The following CHCHD6 variants were observed in gnomAD, a reference collection of about 807,000 sequenced individuals.
CHCHD6 encodes the protein MICOS complex subunit MIC25.
A neutral mutation model predicts 32.3 loss-of-function variants in CHCHD6; 28 were observed. The ratio of observed to expected loss-of-function variants is 0.87; its 90% confidence interval spans 0.64 to 1.19. CHCHD6 has a LOEUF of 1.19. CHCHD6 is among the 50% of genes most tolerant of loss of function. The pLI is 0.00. For synonymous variants in CHCHD6, 122 were observed against 117.5 expected, an observed-to-expected ratio of 1.04 and a Z score of -0.25; for missense variants, 333 against 307.0, an observed-to-expected ratio of 1.08 and a Z score of -0.63.
chr3:126,755,675 A>G (rs1428872919), intron 4 of CHCHD6, among the ~76,000 whole-genome samples: 1 of 152,258 alleles, frequency 6.6e-6, no homozygotes, highest in Non-Finnish European at 1.5e-5. Context: ...GTCTAAAAAA[A>G]GATACCAGTA....
intron 2 of CHCHD6, among the ~76,000 whole-genome samples, chr3:126,729,817 A>G (rs1333895434): frequency 6.6e-6 from 1 of 152,036 alleles, no homozygotes; most frequent in Admixed American, 6.5e-5. Flanking sequence ...GGTGCATAGA[A>G]CCCTGTGGTG....
At chr3:126,779,581 T>C (rs1937829353) in intron 4 of CHCHD6, among the ~76,000 whole-genome samples, 1 of 150,822 alleles carries the variant, frequency 6.6e-6, no homozygotes, top group Admixed American at 6.6e-5. Context: ...TTAGCTCTTA[T>C]ATTTAGGTCT....
chr3:126,908,289 A>G (rs1216183839), intron 5 of CHCHD6, among the ~76,000 whole-genome samples: 1 of 151,992 alleles, frequency 6.6e-6, no homozygotes, highest in Non-Finnish European at 1.5e-5. Context: ...ACTCCCTTCC[A>G]CCTATCTTGG....
At chr3:126,772,412 C>T (rs986676117) in intron 4 of CHCHD6, among the ~76,000 whole-genome samples, 1 of 152,134 alleles carries the variant, frequency 6.6e-6, no homozygotes, top group Non-Finnish European at 1.5e-5. Flanking sequence ...CCCTTATGAA[C>T]CTGGGTGCTC....
At chr3:126,824,990 A>G (rs2107538634) in intron 4 of CHCHD6, among the ~76,000 whole-genome samples, 1 of 152,238 alleles carries the variant, frequency 6.6e-6, no homozygotes, top group South Asian at 2.1e-4. Flanking sequence ...TTCTTTTTCT[A>G]ACTTCTCAAG....
chr3:126,748,258 ATCTT>A (rs1431833593), intron 4 of CHCHD6, among the ~76,000 whole-genome samples: 3 of 152,154 alleles, frequency 2.0e-5, no homozygotes. Context: ...GGTAGTCATA[ATCTT>A]TCTTCTCAAA....
chr3:126,871,060 A>G (rs2077463077), intron 5 of CHCHD6, among the ~76,000 whole-genome samples: 1 of 152,080 alleles, frequency 6.6e-6, no homozygotes, highest in Admixed American at 6.5e-5. Context: ...GTGTGACTGG[A>G]TGTTCTCTCA....
intron 6 of CHCHD6, among the ~76,000 whole-genome samples, chr3:126,948,787 T>C (rs1312745770): frequency 6.6e-6 from 1 of 152,244 alleles, no homozygotes; most frequent in Non-Finnish European, 1.5e-5. Flanking sequence ...CTAAAAATAG[T>C]ACCTGGCTTC....
At chr3:126,936,348 G>T (rs1434079855) in intron 6 of CHCHD6, among the ~76,000 whole-genome samples, 1 of 152,190 alleles carries the variant, frequency 6.6e-6, no homozygotes, top group Non-Finnish European at 1.5e-5. Context: ...AGAAATGTTA[G>T]TCCTGGGCTG....
At chr3:126,956,256 C>T (rs1297565390) in intron 6 of CHCHD6, among the ~76,000 whole-genome samples, 1 of 151,494 alleles carries the variant, frequency 6.6e-6, no homozygotes, top group Non-Finnish European at 1.5e-5. Context: ...TTTTTGGTGC[C>T]CTCAGCCGTG....
intron 4 of CHCHD6, among the ~76,000 whole-genome samples, chr3:126,747,930 T>C (rs1391372010): frequency 1.3e-5 from 2 of 152,186 alleles, no homozygotes; most frequent in African/African-American, 4.8e-5. Context: ...CGTTACCCTC[T>C]CTGCTGCTGC....
At chr3:126,716,827 G>A (rs1935041794) in intron 1 of CHCHD6, among the ~76,000 whole-genome samples, 2 of 152,068 alleles carry the variant, frequency 1.3e-5, no homozygotes. Flanking sequence ...TTGATAGGGG[G>A]GCTGGTTCCA....
chr3:126,953,116 G>T, intron 6 of CHCHD6: 1 of 985,500 alleles, frequency 1.0e-6, no homozygotes. Context: ...TCTGTGGGGT[G>T]GGGTCCTCCC....
intron 5 of CHCHD6, among the ~76,000 whole-genome samples, chr3:126,858,507 C>T (rs778002894): frequency 3.3e-5 from 5 of 152,206 alleles, no homozygotes; most frequent in Non-Finnish European, 7.3e-5. Flanking sequence ...CAGGCACCCT[C>T]CTCGCTGGCC....
At chr3:126,891,132 G>A (rs753586966) in intron 5 of CHCHD6, among the ~76,000 whole-genome samples, 1 of 152,182 alleles carries the variant, frequency 6.6e-6, no homozygotes, top group Non-Finnish European at 1.5e-5. Flanking sequence ...GAGACAGCCA[G>A]TAGACCAGCA....
At chr3:126,772,140 C>T (rs181390263) in intron 4 of CHCHD6, among the ~76,000 whole-genome samples, 1 of 152,266 alleles carries the variant, frequency 6.6e-6, no homozygotes, top group East Asian at 1.9e-4. Context: ...CTTGCTTTGT[C>T]ACCCAGGCTG....
chr3:126,810,883 CAGG>C (rs1436530463), intron 4 of CHCHD6, among the ~76,000 whole-genome samples: 1 of 152,040 alleles, frequency 6.6e-6, no homozygotes, highest in Non-Finnish European at 1.5e-5. Flanking sequence ...TGGGATGGGG[CAGG>C]AGGAGAGGCT....
At chr3:126,846,215 C>T (rs1230487611) in intron 4 of CHCHD6, among the ~76,000 whole-genome samples, 3 of 152,228 alleles carry the variant, frequency 2.0e-5, no homozygotes, top group Non-Finnish European at 4.4e-5. Flanking sequence ...CTTATAAGGC[C>T]GTCTTTATAC....
chr3:126,834,065 A>AT lies in CHCHD6; in HGVS notation c.412-18582_412-18581insT, dbSNP rs1198150703. Among the ~76,000 whole-genome samples, 32 of 148,830 alleles carry AT rather than the reference A, an allele frequency of 2.2e-4. 1 individual carries two copies. The East Asian group carries it at 5.1e-3, about 24-fold the overall frequency. ...CGAGACTCCGTCTCAAAAAAAAAAA[A>AT]AAAAAAAAAAAAAGAATTACCAATA... On this transcript the variant is annotated intron_variant, in intron 4 of 7. Coordinates refer to ENST00000290913, the MANE Select transcript of CHCHD6 (RefSeq NM_032343.3).
Sources: allele counts gnomAD v4.1 joint callset (sites outside exome capture counted in the v4.1 genomes callset), GRCh38; gene constraint gnomAD v4.1.1; transcripts MANE v1.5; gene names NCBI Gene and HGNC (gene_info 2026-07-23, HGNC 2026-07-21).